MSRA: variants seen among roughly 807,000 people sequenced by gnomAD.
MSRA encodes the protein mitochondrial peptide methionine sulfoxide reductase.
MSRA carries 54 observed loss-of-function variants against 31.3 expected under a neutral mutation model. That is an observed-to-expected ratio of 1.73 (90% CI 1.39 to 2.17). MSRA has a LOEUF of 2.17. Ranked by LOEUF, MSRA falls within the 30% of genes most tolerant of loss-of-function variation. MSRA has a pLI of 0.00. For synonymous variants in MSRA, 169 were observed against 116.5 expected (o/e 1.45, Z -2.90); for missense variants, 507 against 300.9 (o/e 1.69, Z -5.07).
intron 3 of MSRA, among the ~76,000 whole-genome samples, chr8:10,267,922 C>G (rs1467384145): frequency 6.6e-6 from 1 of 152,154 alleles, no homozygotes; most frequent in South Asian, 2.1e-4. Flanking sequence ...TCTCTAGGGA[C>G]CTTCCCTAAC....
chr8:10,180,852 A>G (rs575318908), intron 1 of MSRA, among the ~76,000 whole-genome samples: 1 of 152,236 alleles, frequency 6.6e-6, no homozygotes, highest in Non-Finnish European at 1.5e-5. Flanking sequence ...TAAGAGCTGT[A>G]CTAAAATGCT....
At chr8:10,103,332 G>C (rs1416373653) in intron 1 of MSRA, among the ~76,000 whole-genome samples, 2 of 152,206 alleles carry the variant, frequency 1.3e-5, no homozygotes, top group Non-Finnish European at 2.9e-5. Context: ...CTTCAGGACA[G>C]ATCTTAAAGA....
At chr8:10,141,959 T>G (rs974609229) in intron 1 of MSRA, among the ~76,000 whole-genome samples, 1 of 152,092 alleles carries the variant, frequency 6.6e-6, no homozygotes, top group African/African-American at 2.4e-5. Context: ...TTCAGGATTT[T>G]TTTGTTTGTT....
At chr8:10,361,076 A>C (rs555919137) in intron 5 of MSRA, among the ~76,000 whole-genome samples, 1 of 152,232 alleles carries the variant, frequency 6.6e-6, no homozygotes, top group Admixed American at 6.5e-5. Context: ...GCCCGTTTCC[A>C]TGCCCTCTCA....
At chr8:10,407,292 TC>T (rs1807879386) in intron 5 of MSRA, among the ~76,000 whole-genome samples, 1 of 152,156 alleles carries the variant, frequency 6.6e-6, no homozygotes. Flanking sequence ...TTTCATCAGC[TC>T]CCCTGGGTCC....
intron 5 of MSRA, among the ~76,000 whole-genome samples, chr8:10,359,905 A>T (rs536904551): frequency 6.6e-6 from 1 of 152,302 alleles, no homozygotes; most frequent in East Asian, 1.9e-4. Flanking sequence ...TGCATCCCAC[A>T]GTGTTAAAAC....
At chr8:10,058,174 C>T (rs1802502274) in intron 1 of MSRA, among the ~76,000 whole-genome samples, 1 of 152,026 alleles carries the variant, frequency 6.6e-6, no homozygotes, top group African/African-American at 2.4e-5. Flanking sequence ...AGAGCACCAT[C>T]AGAAGGTATT....
At chr8:10,227,262 G>C (rs1242032831) in intron 2 of MSRA, among the ~76,000 whole-genome samples, 2 of 152,170 alleles carry the variant, frequency 1.3e-5, no homozygotes, top group African/African-American at 4.8e-5. Flanking sequence ...TCATAAGGAA[G>C]AGGGGCTAAA....
chr8:10,300,248 C>T (rs369134849), intron 3 of MSRA, among the ~76,000 whole-genome samples: 4 of 151,794 alleles, frequency 2.6e-5, no homozygotes, highest in African/African-American at 9.7e-5. Flanking sequence ...TTTGTATTTT[C>T]TTTTTTCTTT....
chr8:10,281,607 C>T (rs867180909), intron 3 of MSRA, among the ~76,000 whole-genome samples: 1 of 152,204 alleles, frequency 6.6e-6, no homozygotes, highest in South Asian at 2.1e-4. Flanking sequence ...TAGAAAAATG[C>T]TATCGATAAG....
intron 5 of MSRA, among the ~76,000 whole-genome samples, chr8:10,414,365 C>T (rs1465814012): frequency 6.6e-6 from 1 of 152,148 alleles, no homozygotes; most frequent in East Asian, 1.9e-4. Flanking sequence ...ATGAGTGAAA[C>T]AAACTATCCA....
intron 1 of MSRA, among the ~76,000 whole-genome samples, chr8:10,173,244 C>G (rs187559521): frequency 1.8e-4 from 28 of 152,320 alleles, no homozygotes; most frequent in Admixed American, 1.5e-3. Context: ...CCCTCTGAGC[C>G]GAAGGCTCTC....
intron 1 of MSRA, among the ~76,000 whole-genome samples, chr8:10,089,152 A>G (rs1402238837): frequency 4.6e-5 from 7 of 152,148 alleles, no homozygotes; most frequent in Non-Finnish European, 1.0e-4. Context: ...ACACACACAC[A>G]CACACACACA....
At chr8:10,319,540 A>G (rs547216939) in intron 4 of MSRA, among the ~76,000 whole-genome samples, 1 of 151,994 alleles carries the variant, frequency 6.6e-6, no homozygotes, top group South Asian at 2.1e-4. Flanking sequence ...AGGAAATAAT[A>G]TGTATCATAG....
chr8:10,351,245 CTTTTTTTTTTTTTTT>C lies in MSRA; in HGVS notation c.543+31270_543+31284del, dbSNP rs71203317. ...ATGGTTGTTTTTGCTCTGAAGGAGACTTTTTTTTTTTTTTTTTTTTTTTTTTTTAGACGGAGTCTC... is the reference window on the plus strand; with the variant it reads ...ATGGTTGTTTTTGCTCTGAAGGAGACTTTTTTTTTTTTTAGACGGAGTCTC... On this transcript the variant is annotated intron_variant, in intron 5 of 5. Coordinates refer to ENST00000317173, the MANE Select transcript of MSRA (RefSeq NM_012331.5). Among the ~76,000 whole-genome samples the C allele has an allele frequency of 6.6e-3, 374 of 56,846 alleles. 15 individuals carry two copies. In the East Asian group the frequency reaches 0.16, roughly 25 times the overall value. 37.3% of individuals were successfully genotyped at this position (56,846 alleles called of 152,430 possible).
chr8:10,054,727 G>T, intron 1 of MSRA, 69 bp downstream of exon 1: 2 of 1,391,032 alleles, frequency 1.4e-6, no homozygotes, highest in East Asian at 2.9e-5. Context: ...CGGCGGCAGC[G>T]CGCCCGCTGC....
chr8:10,373,183 G>A (rs944919295), intron 5 of MSRA, among the ~76,000 whole-genome samples: 8 of 152,180 alleles, frequency 5.3e-5, no homozygotes, highest in South Asian at 2.1e-4. Context: ...GAGCCACCGC[G>A]CCCAGCCGCT....
chr8:10,140,055 G>T (rs377258253), intron 1 of MSRA, among the ~76,000 whole-genome samples: 1 of 152,342 alleles, frequency 6.6e-6, no homozygotes. Context: ...GAAATGAAGA[G>T]CGAGGGAAAC....
In MSRA at chr8:10,353,445, C is replaced by T. The variant is rs1015251800; in HGVS notation, c.543+33456C>T. Among the ~76,000 whole-genome samples the T allele has an allele frequency of 7.3e-5, 11 of 151,544 alleles. No homozygotes were observed. In the East Asian group the frequency reaches 1.9e-3, roughly 27 times the overall value. The stretch of plus-strand genomic sequence containing the variant: ...GGTCTGGGAGTCTCCTTGGAGGTTC[C>T]TCCCACTTCGGCATCCGTGAGTCCT... On this transcript the variant is annotated intron_variant, in intron 5 of 5. Coordinates refer to ENST00000317173, the MANE Select transcript of MSRA (RefSeq NM_012331.5).
Sources: gnomAD v4.1 joint callset for allele counts (sites outside exome capture counted in the v4.1 genomes callset) on GRCh38, gnomAD v4.1.1 for gene constraint, MANE v1.5 for transcripts, NCBI Gene and HGNC (gene_info 2026-07-23, HGNC 2026-07-21) for gene names.